The following PKD1 variants were observed in gnomAD, a reference collection of about 807,000 sequenced individuals.
PKD1 encodes the protein polycystin 1, transient receptor potential channel interacting, also known as polycystin-1.
In PKD1, 81 loss-of-function variants were observed where a neutral mutation model predicts 361.7. The ratio of observed to expected loss-of-function variants is 0.22; its 90% confidence interval spans 0.19 to 0.27. PKD1 has a LOEUF of 0.27. PKD1 is among the 10% of genes least tolerant of loss of function. PKD1 has a pLI of 1.00. For synonymous variants in PKD1, 3,615 were observed against 2,818.3 expected, an observed-to-expected ratio of 1.28 and a Z score of -8.95; for missense variants, 6,399 against 6,118.3, an observed-to-expected ratio of 1.05 and a Z score of -1.53.
At position 2,089,342 on chromosome 16, in the gene PKD1, CTT is replaced by C. The variant is rs942093738; in HGVS notation, c.*383_*384del. ...ACGGTAGGAACTGGAGAGGTAATAACTTAGGGGCAGGGTGGCGGCGGTGCAGG... is the reference window on the plus strand; with the variant it reads ...ACGGTAGGAACTGGAGAGGTAATAACAGGGGCAGGGTGGCGGCGGTGCAGG... On this transcript the variant is annotated 3_prime_UTR_variant, in exon 46 of 46. Transcript: ENST00000262304. 13 of 330,380 alleles carry C rather than the reference CTT, an allele frequency of 3.9e-5. No individual in the cohort carries two copies. Among genetic ancestry groups the C allele is most frequent in the Middle Eastern group, 9.0e-4 (1 of 1,108 alleles). 20.5% of individuals were successfully genotyped at this position (330,380 alleles called of 1,614,324 possible).
chr16:2,103,708 G>A lies in PKD1; in HGVS notation c.8349C>T (p.Ala2783=). 2 of 1,609,988 alleles carry A rather than the reference G, an allele frequency of 1.2e-6. No individual in the cohort carries two copies. Among genetic ancestry groups the A allele is most frequent in the Non-Finnish European group, 1.7e-6 (2 of 1,179,542 alleles). ...TCCGCGGGTCCGAGCGCTTGCCCTG[G>A]GCCACGATCTCCTCGCCCGCCAGCG... is the stretch of plus-strand genomic sequence containing the variant. ...PLTLAGEEIV[A]QGKRSDPRSL... Residue 2783 remains alanine, a synonymous_variant, in exon 23 of 46, where the codon GCC becomes GCT. Transcript: ENST00000262304.
In PKD1 at chr16:2,114,983, C is replaced by T. The variant is rs2428036; in HGVS notation, c.2098-58G>A. 70 of 1,522,740 alleles carry T rather than the reference C, an allele frequency of 4.6e-5. No homozygotes were observed. The East Asian group carries it at 7.8e-4, about 17-fold the overall frequency. The allele number at this position is 1,522,740 out of a possible 1,614,324, so 94.3% of individuals were successfully genotyped here. On this transcript the variant is annotated intron_variant, in intron 10 of 45. Coordinates refer to ENST00000262304, the MANE Select transcript of PKD1 (RefSeq NM_001009944.3). The stretch of plus-strand genomic sequence containing the variant: ...CTCACGGTCATGGCCCGTGGACCCC[C>T]GCACGACGGATGAGGGTGGACACGC...
chr16:2,117,178 C>T (rs1262052290), intron 6 of PKD1, 125 bp from the exon 7 acceptor site: 18 of 665,814 alleles, frequency 2.7e-5, no homozygotes, highest in Middle Eastern at 4.1e-4. Flanking sequence ...GCTCAGAGCC[C>T]GGAGACCAGG....
At position 2,132,516 on chromosome 16, in the gene PKD1, G is replaced by A. The variant is rs1367744929; in HGVS notation, c.215+2959C>T. On this transcript the variant is annotated intron_variant, in intron 1 of 45. Transcript: ENST00000262304. ...CTTGAACCAGGGAGTCGGAGGTTGC[G>A]GTGAGCTGAGATCATGCCACTGCAC... is the stretch of plus-strand genomic sequence containing the variant. Among the ~76,000 whole-genome samples the A allele has an allele frequency of 4.1e-5, 6 of 147,186 alleles. No individual in the cohort carries two copies. The South Asian group carries it at 8.7e-4, about 21-fold the overall frequency.
At position 2,112,326 on chromosome 16, in the gene PKD1, C is replaced by A; in HGVS notation, c.3295+14G>T. 6.3e-7 allele frequency: 1 copy of A among 1,584,164 alleles called. No individual in the cohort carries two copies. The highest frequency in any genetic ancestry group is 8.5e-7 in the Non-Finnish European group (1 of 1,172,124). ...CCTGAAAGGCAGTGGCCCCCTCACCCCCTCATCCCTCACCTGGGGCAGCGT... is the reference window on the plus strand; with the variant it reads ...CCTGAAAGGCAGTGGCCCCCTCACCACCTCATCCCTCACCTGGGGCAGCGT... On this transcript the variant is annotated intron_variant, in intron 14 of 45. Transcript: ENST00000262304.
At chr16:2,101,031 G>C (rs907072463) in intron 26 of PKD1, among the ~76,000 whole-genome samples, 1 of 151,914 alleles carries the variant, frequency 6.6e-6, no homozygotes, top group African/African-American at 2.4e-5. Flanking sequence ...TGTCACCCAG[G>C]CTGGAGTGCA....
intron 34 of PKD1, among the ~76,000 whole-genome samples, 174 bp from the exon 35 acceptor site, chr16:2,094,384 G>A (rs1360035329): frequency 3.9e-5 from 6 of 152,188 alleles, no homozygotes; most frequent in African/African-American, 1.4e-4. Context: ...GGGAGCCAGG[G>A]AACCAAGAGC....
rs373322062 is a variant in PKD1 at position 2,116,210 on chromosome 16, G to C, written c.1723-92C>G. On this transcript the variant is annotated intron_variant, in intron 8 of 45. Transcript: ENST00000262304. ...CCCGAACTTCCCAGGAAGAGGGGAG[G>C]GAAGGAGAGCGAGCCATCAGACCCC... 47 of 1,366,212 alleles carry C rather than the reference G, an allele frequency of 3.4e-5. No homozygotes were observed. In the African/African-American group the frequency reaches 5.3e-4, roughly 15 times the overall value. 84.6% of individuals were successfully genotyped at this position (1,366,212 alleles called of 1,614,324 possible).
In PKD1 at chr16:2,091,506, C is replaced by A; in HGVS notation, c.11629G>T (p.Gly3877Cys). The A allele has an allele frequency of 7.0e-7, 1 of 1,434,046 alleles. No homozygotes were observed. The highest frequency in any genetic ancestry group is 9.1e-7 in the Non-Finnish European group (1 of 1,103,364). The allele number at this position is 1,434,046 out of a possible 1,614,324, so 88.8% of individuals were successfully genotyped here. A position where few individuals can be genotyped will look rare whatever the true frequency, so the allele number is the denominator to read the frequency against. ...VTLRLEFPAAGRALAALSVRP... is the reference protein window; with the variant it reads ...VTLRLEFPAACRALAALSVRP... Reference sequence around the variant, plus strand: ...ACGCTGAGGGCGGCCAGGGCGCGGCCGGCCGCCGGGAACTCGAGGCGCAGC... The same window carrying A: ...ACGCTGAGGGCGGCCAGGGCGCGGCAGGCCGCCGGGAACTCGAGGCGCAGC... Residue 3877 changes from glycine to cysteine, a missense_variant, in exon 42 of 46, where the codon GGC (glycine) becomes TGC (cysteine). Gly to Cys is a radical substitution (Grantham distance 159). Transcript: ENST00000262304.
Position 2,090,339 on chromosome 16 carries a change from C to T in PKD1, c.12390G>A (p.Val4130=), listed in dbSNP as rs751885099. 3.7e-6 allele frequency: 6 copies of T among 1,612,424 alleles called. No homozygotes were observed. The South Asian group carries it at 4.4e-5, about 12-fold the overall frequency. ...GGCGCAGCCTGCGCAGGAACAACTC[C>T]ACCATCTCGTAGTCCTGGGGCTCCC... The part of the protein sequence containing the change: ...PAWEPQDYEM[V]ELFLRRLRLW... Residue 4130 remains valine (V), a synonymous_variant, in exon 45 of 46, where the codon GTG becomes GTA. Coordinates refer to ENST00000262304, the MANE Select transcript of PKD1 (RefSeq NM_001009944.3).
intron 1 of PKD1, among the ~76,000 whole-genome samples, chr16:2,132,545 G>A (rs1307694408): frequency 4.1e-5 from 6 of 145,222 alleles, no homozygotes; most frequent in East Asian, 2.0e-4. Flanking sequence ...ACTGCACTGC[G>A]GCCTGGAGAC....
rs114489044 is a variant in PKD1, at chr16:2,110,483, G to A, written c.4684C>T (p.Leu1562=). Residue 1562 remains leucine (L), a synonymous_variant, in exon 15 of 46, where the codon CTG becomes TTG. Transcript: ENST00000262304. ...GTGCTGAAGCTCACGCTCCCATTCA[G>A]GGGCACCACCGTGCGGCTTGCATTG... The part of the protein sequence containing the change: ...VVNASRTVVP[L]NGSVSFSTSL... 1,183 of 1,612,432 alleles carry A rather than the reference G, an allele frequency of 7.3e-4. 11 individuals are homozygous for A. The African/African-American group carries it at 0.015, about 20-fold the overall frequency.
rs757951188 is a variant in PKD1, at chr16:2,110,350, G to A, written c.4817C>T (p.Thr1606Ile). ...TISYTFRSVGTFNIIVTAENE... is the reference protein window; with the variant it reads ...TISYTFRSVGIFNIIVTAENE... ...CTCAGCCGTGACGATGATATTGAAG[G>A]TGCCCACGGAGCGGAAGGTGTAAGA... The change falls in exon 15 of 46, where the codon ACC becomes ATC. Residue 1606 changes from threonine to isoleucine, a missense_variant. Physicochemically the swap from Thr to Ile is moderately conservative, Grantham distance 89. Coordinates refer to ENST00000262304, the MANE Select transcript of PKD1 (RefSeq NM_001009944.3). The A allele has an allele frequency of 1.9e-6, 3 of 1,612,540 alleles. No individual in the cohort carries two copies. The highest frequency in any genetic ancestry group is 3.3e-5 in the Admixed American group (2 of 59,998).
intron 37 of PKD1, 57 bp downstream of exon 37, chr16:2,093,487 G>A (rs1206400485): frequency 3.4e-6 from 5 of 1,475,150 alleles, no homozygotes; most frequent in African/African-American, 2.8e-5. Flanking sequence ...GTGCATGGGT[G>A]GGAGGTGGGA....
chr16:2,120,149 C>T, intron 1 of PKD1: 2 of 484,082 alleles, frequency 4.1e-6, no homozygotes, highest in Non-Finnish European at 7.4e-6. Context: ...GAGGTCAAGG[C>T]TACAGGGAGC....
rs2092482413 is a variant in PKD1, at chr16:2,110,820, G to C, written c.4347C>G (p.Asn1449Lys). The change falls in exon 15 of 46, where the codon AAC (asparagine) becomes AAG (lysine). Residue 1449 changes from asparagine to lysine, a missense_variant. Coordinates refer to ENST00000262304, the MANE Select transcript of PKD1 (RefSeq NM_001009944.3). ...CTGAGTCATTGGCAGCAGAGATGTT[G>C]TTGGACGCGGTGACTGTCACAAGAT... ...GSYLVTVTAS[N>K]NISAANDSAL... is the part of the protein sequence containing the mutation. 2.5e-6 allele frequency: 4 copies of C among 1,611,586 alleles called. No homozygotes were observed. The African/African-American group carries it at 4.0e-5, about 16-fold the overall frequency.
chr16:2,106,750 T>C lies in PKD1; in HGVS notation c.7209+55A>G. On this transcript the variant is annotated intron_variant, in intron 17 of 45. Transcript: ENST00000262304. This position sits in a 1 kb window ranked among gnomAD's most constrained non-coding sequence, Gnocchi z 6.5. ...GCCCCACTTCTGCCTGCAGGCCCCG[T>C]CCCCTCGGCCATGGGACCCATCCCC... 6.6e-7 allele frequency: 1 copy of C among 1,504,074 alleles called. No individual in the cohort carries two copies. The highest frequency in any genetic ancestry group is 9.1e-7 in the Non-Finnish European group (1 of 1,102,982). 93.2% of individuals were successfully genotyped at this position (1,504,074 alleles called of 1,614,324 possible).
rs1335636194 is a variant in PKD1, at chr16:2,106,626, T to C, written c.7261A>G (p.Thr2421Ala). Residue 2421 changes from threonine to alanine, a missense_variant, in exon 18 of 46, where the codon ACC becomes GCC. Physicochemically the swap from Thr to Ala is moderately conservative, Grantham distance 58. Coordinates refer to ENST00000262304, the MANE Select transcript of PKD1 (RefSeq NM_001009944.3). The surrounding 1 kb of genome is among the most constrained non-coding windows in gnomAD (Gnocchi z 6.5). The part of the protein sequence containing the change: ...SNKTLVLDET[T>A]TSTGSAGMRL... ...ATGCCTGCACTGCCCGTGGATGTGGTGGTCTCATCCAGCACCAGCGTCTTG... is the reference window on the plus strand; with the variant it reads ...ATGCCTGCACTGCCCGTGGATGTGGCGGTCTCATCCAGCACCAGCGTCTTG... The C allele has an allele frequency of 1.3e-6, 2 of 1,597,342 alleles. No homozygotes were observed. Among genetic ancestry groups the C allele is most frequent in the Non-Finnish European group, 1.7e-6 (2 of 1,178,052 alleles).
rs1220774190 is a variant in PKD1 at position 2,118,469 on chromosome 16, G to A, written c.530-7C>T. On this transcript the variant is annotated splice_polypyrimidine_tract_variant and splice_region_variant and intron_variant, in intron 4 of 45. Coordinates refer to ENST00000262304, the MANE Select transcript of PKD1 (RefSeq NM_001009944.3). This position sits in a 1 kb window ranked among gnomAD's most constrained non-coding sequence, Gnocchi z 6.0. ...CAGGCGACATACTCCTCACCTAGAA[G>A]AGGCAGCCACTGGACCCCGGGTTCT... 11 of 1,290,706 alleles carry A rather than the reference G, an allele frequency of 8.5e-6. No homozygotes were observed. The highest frequency in any genetic ancestry group is 9.8e-6 in the Non-Finnish European group (9 of 921,368). 80.0% of individuals were successfully genotyped at this position (1,290,706 alleles called of 1,614,324 possible).
Sources: gnomAD v4.1 joint callset for allele counts (sites outside exome capture counted in the v4.1 genomes callset) on GRCh38, gnomAD v4.1.1 for gene constraint, Gnocchi (gnomAD v3.1) non-coding constraint, MANE v1.5 for transcripts, NCBI Gene and HGNC (gene_info 2026-07-23, HGNC 2026-07-21) for gene names.